FRMD4B: variants seen among roughly 807,000 people sequenced by gnomAD.
FRMD4B encodes FERM domain-containing protein 4B.
A neutral mutation model predicts 141.5 loss-of-function variants in FRMD4B; 74 were observed. The observed-to-expected ratio is 0.52, with a 90% CI of 0.43 to 0.63. FRMD4B has a LOEUF of 0.63. FRMD4B is among the 30% of genes least tolerant of loss of function. The pLI, the probability that FRMD4B is intolerant of heterozygous loss-of-function variation, is 0.00. For synonymous variants in FRMD4B, 506 were observed against 467.9 expected (o/e 1.08, Z -1.05); for missense variants, 1,366 against 1,253.4 (o/e 1.09, Z -1.36).
chr3:69,455,943 C>A (rs575180346), intron 1 of FRMD4B, among the ~76,000 whole-genome samples: 1 of 152,110 alleles, frequency 6.6e-6, no homozygotes, highest in Non-Finnish European at 1.5e-5. Flanking sequence ...CCATTTTGTT[C>A]TGAGGCTTAA....
At chr3:69,175,119 G>C (rs1048238172) in intron 22 of FRMD4B, among the ~76,000 whole-genome samples, 3 of 152,190 alleles carry the variant, frequency 2.0e-5, no homozygotes, top group Non-Finnish European at 2.9e-5. Context: ...GATTGTAACA[G>C]TGAGTGTCTT....
At chr3:69,287,694 T>C in intron 5 of FRMD4B, 58 bp downstream of exon 5, 2 of 849,632 alleles carry the variant, frequency 2.4e-6, no homozygotes. Context: ...AACCATTTCT[T>C]CCTGTCATCC....
At chr3:69,172,994 C>T (rs960444362) in intron 22 of FRMD4B, among the ~76,000 whole-genome samples, 2 of 152,132 alleles carry the variant, frequency 1.3e-5, no homozygotes, top group Non-Finnish European at 2.9e-5. Flanking sequence ...GCAAGCAAAA[C>T]TCCTGCTATG....
At chr3:69,535,022 A>G (rs946374159) in intron 1 of FRMD4B, among the ~76,000 whole-genome samples, 5 of 152,264 alleles carry the variant, frequency 3.3e-5, no homozygotes, top group African/African-American at 1.2e-4. Context: ...AGCAGTCACT[A>G]CATGAAACAC....
chr3:69,284,288 G>A (rs2093657528), intron 5 of FRMD4B, among the ~76,000 whole-genome samples: 1 of 152,156 alleles, frequency 6.6e-6, no homozygotes, highest in South Asian at 2.1e-4. Context: ...TGAGGATTCG[G>A]TAGAGCACTC....
chr3:69,387,605 C>G (rs111348067), upstream of FRMD4B, among the ~76,000 whole-genome samples: 1,154 of 152,252 alleles, frequency 7.6e-3, 18 homozygotes, highest in African/African-American at 0.026. Context: ...AAGCTTTTCT[C>G]CTGAACTAGC....
intron 2 of FRMD4B, among the ~76,000 whole-genome samples, chr3:69,393,882 C>T (rs2106731111): frequency 6.6e-6 from 1 of 152,226 alleles, no homozygotes; most frequent in Admixed American, 6.5e-5. Flanking sequence ...AACTGAGGCA[C>T]AGAGAAGCAG....
Position 69,171,144 on chromosome 3 carries a change from A to T in FRMD4B, c.*717T>A, listed in dbSNP as rs2092582815. Reference sequence around the variant, plus strand: ...GTACCTTAGAATGTTCTCCAAGCAGACTTTGTCAATTATTCAGTGGGCTGC... The same window carrying T: ...GTACCTTAGAATGTTCTCCAAGCAGTCTTTGTCAATTATTCAGTGGGCTGC... On this transcript the variant is annotated 3_prime_UTR_variant, in exon 23 of 23. Coordinates refer to ENST00000398540, the MANE Select transcript of FRMD4B (RefSeq NM_015123.3). 1 of 152,190 alleles carries T rather than the reference A, an allele frequency of 6.6e-6. No individual in the cohort carries two copies. The highest frequency in any genetic ancestry group is 2.4e-5 in the African/African-American group (1 of 41,442). 9.4% of individuals were successfully genotyped at this position (152,190 alleles called of 1,614,324 possible).
intron 22 of FRMD4B, among the ~76,000 whole-genome samples, chr3:69,174,770 T>C (rs1237694195): frequency 6.6e-6 from 1 of 152,166 alleles, no homozygotes; most frequent in Non-Finnish European, 1.5e-5. Context: ...CACCAAAAAC[T>C]GTATAATCAT....
chr3:69,287,099 G>A (rs1037477198), intron 5 of FRMD4B, among the ~76,000 whole-genome samples: 9 of 152,214 alleles, frequency 5.9e-5, no homozygotes, highest in African/African-American at 1.9e-4. Context: ...TGCCATGCTC[G>A]GCCGTAAAAA....
At chr3:69,461,027 A>T (rs1272110160) in intron 1 of FRMD4B, among the ~76,000 whole-genome samples, 4 of 152,206 alleles carry the variant, frequency 2.6e-5, no homozygotes, top group Non-Finnish European at 4.4e-5. Context: ...AGCATTCTAC[A>T]TCTGAAGTTT....
At chr3:69,205,316 T>G (rs1426845847) in intron 11 of FRMD4B, among the ~76,000 whole-genome samples, 1 of 152,008 alleles carries the variant, frequency 6.6e-6, no homozygotes, top group Non-Finnish European at 1.5e-5. Flanking sequence ...AACAGGTACA[T>G]GCTACCACAC....
intron 1 of FRMD4B, among the ~76,000 whole-genome samples, chr3:69,471,035 A>G (rs1284498742): frequency 6.6e-6 from 1 of 152,180 alleles, no homozygotes; most frequent in Non-Finnish European, 1.5e-5. Context: ...CGCAGTAAAC[A>G]CAAACTGTAA....
intron 5 of FRMD4B, among the ~76,000 whole-genome samples, chr3:69,276,417 C>A (rs371269462): frequency 6.6e-6 from 1 of 151,998 alleles, no homozygotes; most frequent in African/African-American, 2.4e-5. Flanking sequence ...GGACTACAGG[C>A]GTGCACCATC....
intron 1 of FRMD4B, among the ~76,000 whole-genome samples, chr3:69,354,212 C>T (rs891595099): frequency 6.6e-6 from 1 of 152,116 alleles, no homozygotes; most frequent in Non-Finnish European, 1.5e-5. Context: ...AGAAAAGATT[C>T]ATTTCACTAT....
intron 1 of FRMD4B, among the ~76,000 whole-genome samples, chr3:69,465,886 T>C (rs1705776262): frequency 6.6e-6 from 1 of 152,218 alleles, no homozygotes; most frequent in Non-Finnish European, 1.5e-5. Context: ...GCATGATTTA[T>C]AATCCTTTGG....
At chr3:69,281,091 C>T (rs943495328) in intron 5 of FRMD4B, among the ~76,000 whole-genome samples, 2 of 152,006 alleles carry the variant, frequency 1.3e-5, no homozygotes, top group Admixed American at 6.6e-5. Flanking sequence ...CCACTATGCC[C>T]GGCTAATGTT....
intron 22 of FRMD4B, among the ~76,000 whole-genome samples, chr3:69,175,110 A>T (rs4464459): frequency 6.6e-6 from 1 of 152,108 alleles, no homozygotes; most frequent in Non-Finnish European, 1.5e-5. Flanking sequence ...TTCCAATTTG[A>T]TTGTAACAGT....
intron 4 of FRMD4B, among the ~76,000 whole-genome samples, chr3:69,293,806 G>A (rs971914554): frequency 6.8e-6 from 1 of 146,432 alleles, no homozygotes; most frequent in Non-Finnish European, 1.5e-5. Flanking sequence ...GCTTGAACCT[G>A]GGAGGAGGAG....
Sources: gnomAD v4.1 joint callset for allele counts (sites outside exome capture counted in the v4.1 genomes callset) on GRCh38, gnomAD v4.1.1 for gene constraint, MANE v1.5 for transcripts, NCBI Gene and HGNC (gene_info 2026-07-23, HGNC 2026-07-21) for gene names.